The following GLI3 variants were observed in gnomAD, a reference collection of about 807,000 sequenced individuals.
GLI3 encodes transcription activator GLI3.
Under a neutral mutation model 100.8 loss-of-function variants are expected in GLI3, and 20 were observed. The observed-to-expected ratio is 0.20, with a 90% CI of 0.14 to 0.29. GLI3 has a LOEUF of 0.29. GLI3 is among the 10% of genes least tolerant of loss of function. The pLI is 1.00. For synonymous variants in GLI3, 938 were observed against 860.5 expected (o/e 1.09, Z -1.58); for missense variants, 2,040 against 2,128.5 (o/e 0.96, Z 0.82).
intron 1 of GLI3, among the ~76,000 whole-genome samples, chr7:42,247,668 A>T (rs776852869): frequency 1.3e-5 from 2 of 152,236 alleles, no homozygotes; most frequent in Non-Finnish European, 1.5e-5. Flanking sequence ...GGAGGGAATT[A>T]GAAACCACTG....
chr7:41,972,497 G>C lies in GLI3; in HGVS notation c.1943C>G (p.Pro648Arg). The C allele has an allele frequency of 6.2e-7, 1 of 1,613,120 alleles. No individual in the cohort carries two copies. Among genetic ancestry groups the C allele is most frequent in the Non-Finnish European group, 8.5e-7 (1 of 1,179,898 alleles). ...GGAATCTCTCGGGGGTGGCGGCCGA[G>C]GATGGATGTCCCCTCGCTGCTTCTT... The part of the protein sequence containing the change: ...VTKKQRGDIH[P>R]RPPPPRDSGS... Residue 648 changes from proline to arginine, a missense_variant, in exon 13 of 15, where the codon CCT (proline) becomes CGT (arginine). Physicochemically the swap from Pro to Arg is moderately radical, Grantham distance 103. Around this residue, in one of 5 missense-constraint regions of GLI3, gnomAD observed 327 missense variants for 338.7 expected, o/e 0.97. Coordinates refer to ENST00000395925, the MANE Select transcript of GLI3 (RefSeq NM_000168.6). The surrounding 1 kb of genome is among the most constrained non-coding windows in gnomAD (Gnocchi z 4.4).
At chr7:42,052,380 A>G (rs1017072287) in intron 4 of GLI3, among the ~76,000 whole-genome samples, 7 of 152,132 alleles carry the variant, frequency 4.6e-5, no homozygotes, top group African/African-American at 1.7e-4. Context: ...ACCTCCTTGG[A>G]TTTTCCAGGA....
intron 7 of GLI3, among the ~76,000 whole-genome samples, chr7:42,029,607 T>C (rs1030919285): frequency 2.6e-5 from 4 of 152,102 alleles, no homozygotes; most frequent in Non-Finnish European, 5.9e-5. Context: ...GAGTCCTGCA[T>C]CCTTTTGCCT....
At position 42,048,526 on chromosome 7, in the gene GLI3, A is replaced by G. The variant is rs777321485; in HGVS notation, c.644T>C (p.Met215Thr). 1 of 1,613,530 alleles carries G rather than the reference A, an allele frequency of 6.2e-7. No individual in the cohort carries two copies. Among genetic ancestry groups the G allele is most frequent in the Non-Finnish European group, 8.5e-7 (1 of 1,179,796 alleles). The part of the protein sequence containing the change: ...RSLHSSPSLS[M>T]ISATRGLSPT... Reference sequence around the variant, plus strand: ...GCTCAGCCCACGGGTTGCTGAGATCATGGAGAGCGATGGGCTGCTGTGCAA... The same window carrying G: ...GCTCAGCCCACGGGTTGCTGAGATCGTGGAGAGCGATGGGCTGCTGTGCAA... The change falls in exon 5 of 15, where the codon ATG (methionine) becomes ACG (threonine). Residue 215 changes from methionine (M) to threonine (T), a missense_variant. By Grantham distance (81) the Met-to-Thr change is moderately conservative. Transcript: ENST00000395925.
chr7:42,003,037 G>A (rs1788350561), intron 10 of GLI3, among the ~76,000 whole-genome samples: 1 of 152,222 alleles, frequency 6.6e-6, no homozygotes, highest in African/African-American at 2.4e-5. Flanking sequence ...ATGAGGACAG[G>A]CATCTTTGAC....
In GLI3 at chr7:41,965,472, G is replaced by A. The variant is rs1787140838; in HGVS notation, c.3601C>T (p.Pro1201Ser). 6.2e-7 allele frequency: 1 copy of A among 1,609,344 alleles called. No homozygotes were observed. The highest frequency in any genetic ancestry group is 8.5e-7 in the Non-Finnish European group (1 of 1,177,458). The change falls in exon 15 of 15, where the codon CCG (proline) becomes TCG (serine). Residue 1201 changes from proline to serine, a missense_variant. By Grantham distance (74) the Pro-to-Ser change is moderately conservative. This residue lies in a region of GLI3 where 1,041 missense variants were observed against 924.0 expected (regional missense o/e 1.13). Transcript: ENST00000395925. ...GGCCCGCTCCTCAAGGGGTTCTGCG[G>A]GTGGACGACCATGCCGTTGCAGAAC... ...FGFCNGMVVH[P>S]QNPLRSGPAG...
At chr7:42,217,055 G>C (rs1014759274) in intron 2 of GLI3, among the ~76,000 whole-genome samples, 1 of 152,202 alleles carries the variant, frequency 6.6e-6, no homozygotes, top group Non-Finnish European at 1.5e-5. Context: ...GCAGGAGCAA[G>C]TCCCATGCGT....
intron 4 of GLI3, among the ~76,000 whole-genome samples, chr7:42,061,923 A>G (rs1437520823): frequency 1.3e-5 from 2 of 152,176 alleles, no homozygotes; most frequent in African/African-American, 4.8e-5. Flanking sequence ...AGGACTGAAA[A>G]TGAGTCTGGC....
rs376956433 is a variant in GLI3 at position 41,965,975 on chromosome 7, G to T, written c.3098C>A (p.Pro1033Gln). 92 of 1,606,832 alleles carry T rather than the reference G, an allele frequency of 5.7e-5. No individual in the cohort carries two copies. The highest frequency in any genetic ancestry group is 4.3e-4 in the South Asian group (39 of 91,006). ...RFSSLSSCNP[P>Q]AMATSAEKRS... ...CTTCTCCGCGGACGTGGCCATCGCC[G>T]GGGGGTTGCAGCTGCTGAGGCTGCT... Residue 1033 changes from proline (P) to glutamine (Q), a missense_variant, in exon 15 of 15, where the codon CCG becomes CAG. This residue lies in a region of GLI3 where 1,041 missense variants were observed against 924.0 expected (regional missense o/e 1.13). Transcript: ENST00000395925.
intron 2 of GLI3, chr7:42,172,448 AG>A (rs1366297336): frequency 3.2e-6 from 2 of 633,378 alleles, no homozygotes; most frequent in East Asian, 2.7e-5. Flanking sequence ...AAGATGAAAA[AG>A]GATAAACTTT....
chr7:42,135,737 C>T (rs950305706), intron 3 of GLI3, among the ~76,000 whole-genome samples: 1 of 152,206 alleles, frequency 6.6e-6, no homozygotes, highest in African/African-American at 2.4e-5. Context: ...AATCATTCCT[C>T]CAACCTCTTC....
chr7:42,192,230 T>C (rs1787841876), intron 2 of GLI3, among the ~76,000 whole-genome samples: 1 of 152,170 alleles, frequency 6.6e-6, no homozygotes, highest in Admixed American at 6.5e-5. Context: ...GAGGTGACTC[T>C]AAAGTTCATC....
At chr7:42,019,907 A>C (rs559592025) in intron 10 of GLI3, among the ~76,000 whole-genome samples, 136 of 152,304 alleles carry the variant, frequency 8.9e-4, no homozygotes, top group African/African-American at 3.2e-3. Context: ...ACAAAAATAC[A>C]CACCTATCTT....
chr7:42,116,487 GA>G (rs1166291083), intron 3 of GLI3, among the ~76,000 whole-genome samples: 1,219 of 92,168 alleles, frequency 0.013, 8 homozygotes, highest in African/African-American at 0.027. Context: ...TCTGCAAAAA[GA>G]AAAAAAAAAA....
chr7:42,092,505 G>GA (rs1346579361), intron 3 of GLI3, among the ~76,000 whole-genome samples: 1 of 152,164 alleles, frequency 6.6e-6, no homozygotes, highest in Non-Finnish European at 1.5e-5. Context: ...GGGGCACACT[G>GA]AAAACACTGT....
At chr7:42,150,407 C>A (rs545253140) in intron 2 of GLI3, among the ~76,000 whole-genome samples, 5 of 152,104 alleles carry the variant, frequency 3.3e-5, no homozygotes, top group Non-Finnish European at 5.9e-5. Flanking sequence ...TTTGCAGTTA[C>A]GTAAAAGCAA....
At chr7:42,046,318 T>G (rs1276559271) in intron 5 of GLI3, among the ~76,000 whole-genome samples, 1 of 152,202 alleles carries the variant, frequency 6.6e-6, no homozygotes, top group Non-Finnish European at 1.5e-5. Context: ...ATTATGTATG[T>G]AGCACACTTA....
rs188395272 is a variant in GLI3 at position 42,125,634 on chromosome 7, C to T, written c.367+22592G>A. Among the ~76,000 whole-genome samples the T allele has an allele frequency of 1.2e-4, 19 of 152,294 alleles. No individual in the cohort carries two copies. The East Asian group carries it at 3.5e-3, about 28-fold the overall frequency. ...CGACATTCTTCCCCTGCCATGCACA[C>T]GACATGAAACAAAGGGAGTTCTCAC... On this transcript the variant is annotated intron_variant, in intron 3 of 14. Transcript: ENST00000395925.
At chr7:42,172,732 C>G in intron 2 of GLI3, 1 of 670,020 alleles carries the variant, frequency 1.5e-6, no homozygotes, top group Non-Finnish European at 2.7e-6. Flanking sequence ...GAGAGTTTTC[C>G]GTGAGTAAAG....
Sources: gnomAD v4.1 joint callset for allele counts (sites outside exome capture counted in the v4.1 genomes callset) on GRCh38, gnomAD v4.1.1 for gene constraint, gnomAD v4.1.1 regional missense constraint, Gnocchi (gnomAD v3.1) non-coding constraint, MANE v1.5 for transcripts, NCBI Gene and HGNC (gene_info 2026-07-23, HGNC 2026-07-21) for gene names.